The following CNN1 variants were observed in gnomAD, a reference collection of about 807,000 sequenced individuals.
The protein encoded by CNN1 is calponin-1.
Under a neutral mutation model 35.3 loss-of-function variants are expected in CNN1, and 21 were observed. The observed-to-expected ratio is 0.60, with a 90% CI of 0.42 to 0.86. CNN1 has a LOEUF of 0.86. Among genes scored for constraint, CNN1 ranks in the 40% least tolerant of loss-of-function variants. The pLI is 0.00. For synonymous variants in CNN1, 164 were observed against 161.8 expected (o/e 1.01, Z -0.10); for missense variants, 314 against 400.8 (o/e 0.78, Z 1.85).
chr19:11,544,094 T>C (rs577048649), intron 2 of CNN1, among the ~76,000 whole-genome samples: 85 of 152,072 alleles, frequency 5.6e-4, no homozygotes, highest in African/African-American at 1.8e-3. Flanking sequence ...TTAGTCCAGT[T>C]GAGGAGATCA....
Position 11,538,884 on chromosome 19 carries a change from A to C in CNN1, c.-44A>C. On this transcript the variant is annotated 5_prime_UTR_variant, in exon 1 of 7. Coordinates refer to ENST00000252456, the MANE Select transcript of CNN1 (RefSeq NM_001299.6). ...AACTTCAGCCGCTGCCTCTGTTCTCAGCGTCAGTGCCGCCACTGCCCCCGC... is the reference window on the plus strand; with the variant it reads ...AACTTCAGCCGCTGCCTCTGTTCTCCGCGTCAGTGCCGCCACTGCCCCCGC... The C allele has an allele frequency of 6.8e-7, 1 of 1,475,098 alleles. No homozygotes were observed. The highest frequency in any genetic ancestry group is 9.1e-7 in the Non-Finnish European group (1 of 1,102,320). The allele number at this position is 1,475,098 out of a possible 1,614,324, so 91.4% of individuals were successfully genotyped here.
chr19:11,546,286 G>A (rs906134353), intron 2 of CNN1, among the ~76,000 whole-genome samples: 3 of 152,048 alleles, frequency 2.0e-5, no homozygotes, highest in South Asian at 2.1e-4. Flanking sequence ...TGGTCATCCC[G>A]TCACCCTCCT....
rs775818843 is a variant in CNN1, at chr19:11,546,907, G to A, written c.328G>A (p.Asp110Asn). ...GCCCCACGACATTTTTGAGGCCAAC[G>A]ACCTGTTTGAGAACACCAACCATAC... ...VKPHDIFEAN[D>N]LFENTNHTQV... Residue 110 changes from aspartate to asparagine, a missense_variant, in exon 4 of 7, where the codon GAC (aspartate) becomes AAC (asparagine). Asp to Asn is a conservative substitution (Grantham distance 23). Transcript: ENST00000252456. 13 of 1,614,080 alleles carry A rather than the reference G, an allele frequency of 8.1e-6. No homozygotes were observed. Among genetic ancestry groups the A allele is most frequent in the Admixed American group, 6.7e-5 (4 of 59,996 alleles).
chr19:11,539,584 C>T (rs1179644251), intron 1 of CNN1: 3 of 931,996 alleles, frequency 3.2e-6, no homozygotes, highest in South Asian at 3.1e-5. Flanking sequence ...AGCGCTCGGA[C>T]CCTGGACTCA....
In CNN1 at chr19:11,540,775, C is replaced by T. The variant is rs185889828; in HGVS notation, c.64-301C>T. ...TGGCCTGGGCGAAAAACCAGGGTGCCGGGTGCCACCCCTCTAGCTCAGAGG... is the reference window on the plus strand; with the variant it reads ...TGGCCTGGGCGAAAAACCAGGGTGCTGGGTGCCACCCCTCTAGCTCAGAGG... On this transcript the variant is annotated intron_variant, in intron 1 of 6. Coordinates refer to ENST00000252456, the MANE Select transcript of CNN1 (RefSeq NM_001299.6). 5.5e-3 allele frequency: 1,452 copies of T among 265,478 alleles called. 12 individuals are homozygous for T. Among genetic ancestry groups the T allele is most frequent in the Non-Finnish European group, 6.2e-3 (870 of 140,098 alleles). The allele number at this position is 265,478 out of a possible 1,614,324, so 16.4% of individuals were successfully genotyped here.
chr19:11,540,827 A>G (rs1482518816), intron 1 of CNN1: 2 of 405,580 alleles, frequency 4.9e-6, no homozygotes, highest in Non-Finnish European at 8.8e-6. Flanking sequence ...CCCACCCCTC[A>G]TCTACATTCC....
intron 2 of CNN1, among the ~76,000 whole-genome samples, chr19:11,543,347 C>CAA (rs553434409): frequency 3.0e-5 from 4 of 133,440 alleles, no homozygotes; most frequent in Admixed American, 7.6e-5. Flanking sequence ...AACCCTGTCT[C>CAA]AAAAAAAAAA....
rs1483272415 is a variant in CNN1 at position 11,549,307 on chromosome 19, C to T, written c.502-16C>T. 1.2e-6 allele frequency: 2 copies of T among 1,613,920 alleles called. No individual in the cohort carries two copies. Among genetic ancestry groups the T allele is most frequent in the East Asian group, 2.2e-5 (1 of 44,888 alleles). ...GGTCTGTAATTATTGGTGTGATTCTCCTTCTGGCTTCCTAGATGGGCACCA... is the reference window on the plus strand; with the variant it reads ...GGTCTGTAATTATTGGTGTGATTCTTCTTCTGGCTTCCTAGATGGGCACCA... On this transcript the variant is annotated splice_polypyrimidine_tract_variant and intron_variant, in intron 5 of 6. Coordinates refer to ENST00000252456, the MANE Select transcript of CNN1 (RefSeq NM_001299.6). This position sits in a 1 kb window ranked among gnomAD's most constrained non-coding sequence, Gnocchi z 5.2.
intron 2 of CNN1, among the ~76,000 whole-genome samples, chr19:11,543,198 T>C (rs2145032386): frequency 6.6e-6 from 1 of 152,104 alleles, no homozygotes; most frequent in South Asian, 2.1e-4. Context: ...ATTTTTGTTT[T>C]AATTAGCTTG....
intron 5 of CNN1, 112 bp downstream of exon 5, chr19:11,548,019 C>T (rs1972630916): frequency 1.4e-6 from 1 of 723,044 alleles, no homozygotes; most frequent in Non-Finnish European, 2.2e-6. Flanking sequence ...AGGCCGGGTA[C>T]TGTGCTTATG....
rs780217207 is a variant in CNN1, at chr19:11,549,621, G to A, written c.720G>A (p.Thr240=). 24 of 1,612,740 alleles carry A rather than the reference G, an allele frequency of 1.5e-5. No individual in the cohort carries two copies. The highest frequency in any genetic ancestry group is 2.2e-5 in the East Asian group (1 of 44,850). Residue 240 remains threonine, a synonymous_variant, in exon 7 of 7, where the codon ACG becomes ACA. Transcript: ENST00000252456. The surrounding 1 kb of genome is among the most constrained non-coding windows in gnomAD (Gnocchi z 5.2). The part of the protein sequence containing the change: ...EPGLGMEHCD[T]LNVSLQMGSN... ...GGCTGGGCATGGAGCACTGCGACAC[G>A]CTCAATGTCAGCCTGCAGATGGGCA...
chr19:11,545,272 G>C (rs1475083869), intron 2 of CNN1, among the ~76,000 whole-genome samples: 2 of 151,800 alleles, frequency 1.3e-5, no homozygotes, highest in Non-Finnish European at 2.9e-5. Context: ...TGGAAGTTGG[G>C]AGCTCATTAC....
At chr19:11,548,070 C>T (rs755182358) in intron 5 of CNN1, among the ~76,000 whole-genome samples, 163 bp downstream of exon 5, 2 of 152,200 alleles carry the variant, frequency 1.3e-5, no homozygotes, top group African/African-American at 4.8e-5. Flanking sequence ...TGCCAACACC[C>T]CAGCAGACAG....
chr19:11,548,244 G>A (rs1315235876), intron 5 of CNN1, among the ~76,000 whole-genome samples: 2 of 152,136 alleles, frequency 1.3e-5, no homozygotes, highest in Admixed American at 6.6e-5. Context: ...TTCCAGTCTC[G>A]AAAGGATGCC....
intron 2 of CNN1, among the ~76,000 whole-genome samples, chr19:11,545,730 G>A (rs1972565100): frequency 6.6e-6 from 1 of 150,464 alleles, no homozygotes; most frequent in Non-Finnish European, 1.5e-5. Flanking sequence ...TGAGGCAGGA[G>A]GATCGCTTGA....
chr19:11,546,803 C>G, intron 3 of CNN1, 29 bp from the exon 4 acceptor site: 1 of 1,614,156 alleles, frequency 6.2e-7, no homozygotes, highest in Non-Finnish European at 8.5e-7. Context: ...CCCCTCCCCA[C>G]CCAGTGACCA....
At chr19:11,548,570 G>T (rs1972643145) in intron 5 of CNN1, among the ~76,000 whole-genome samples, 1 of 151,954 alleles carries the variant, frequency 6.6e-6, no homozygotes, top group Admixed American at 6.6e-5. Flanking sequence ...GGGTATGGTG[G>T]CTCATGCCAG....
At chr19:11,545,649 A>C (rs933951768) in intron 2 of CNN1, among the ~76,000 whole-genome samples, 3 of 151,844 alleles carry the variant, frequency 2.0e-5, no homozygotes, top group African/African-American at 7.3e-5. Context: ...ATATGGAGGC[A>C]CTTAAAGTCA....
intron 2 of CNN1, 56 bp downstream of exon 2, chr19:11,541,253 C>T (rs1283380166): frequency 6.7e-7 from 1 of 1,482,760 alleles, no homozygotes; most frequent in South Asian, 1.4e-5. Flanking sequence ...CCATGCAGCC[C>T]CTCAACCCCC....
Sources: gnomAD v4.1 joint callset for allele counts (sites outside exome capture counted in the v4.1 genomes callset) on GRCh38, gnomAD v4.1.1 for gene constraint, Gnocchi (gnomAD v3.1) non-coding constraint, MANE v1.5 for transcripts, NCBI Gene and HGNC (gene_info 2026-07-23, HGNC 2026-07-21) for gene names.